PALM2AKAP2: variants seen among roughly 807,000 people sequenced by gnomAD.
PALM2AKAP2 encodes PALM2 and AKAP2 fusion.
Under a neutral mutation model 71.5 loss-of-function variants are expected in PALM2AKAP2, and 37 were observed. The observed-to-expected ratio is 0.52, with a 90% CI of 0.40 to 0.68. The LOEUF (loss-of-function observed/expected upper bound fraction) is 0.68. PALM2AKAP2 is among the 30% of genes least tolerant of loss of function. The probability of loss-of-function intolerance (pLI) is 0.00; values close to 1 mark genes in which losing one functional copy is unlikely to be tolerated. For synonymous variants in PALM2AKAP2, 468 were observed against 478.8 expected (o/e 0.98, Z 0.29); for missense variants, 1,224 against 1,191.8 (o/e 1.03, Z -0.40).
At chr9:109,705,621 G>A (rs1828132086) in intron 1 of PALM2AKAP2, among the ~76,000 whole-genome samples, 2 of 152,154 alleles carry the variant, frequency 1.3e-5, no homozygotes, top group African/African-American at 4.8e-5. Flanking sequence ...TTGGATCCAG[G>A]CACCTCCCTA....
intron 1 of PALM2AKAP2, among the ~76,000 whole-genome samples, chr9:109,782,886 T>C (rs1261118937): frequency 1.3e-5 from 2 of 152,004 alleles, no homozygotes; most frequent in African/African-American, 4.8e-5. Context: ...TAGTGCCTAC[T>C]CTTCTGAATT....
intron 6 of PALM2AKAP2, among the ~76,000 whole-genome samples, chr9:110,007,648 C>T (rs1832808726): frequency 1.3e-5 from 2 of 152,254 alleles, no homozygotes; most frequent in South Asian, 2.1e-4. Flanking sequence ...TCTTTAGAAC[C>T]TAATCCTTTT....
At chr9:109,716,183 G>T (rs998983213) in intron 1 of PALM2AKAP2, among the ~76,000 whole-genome samples, 1 of 152,192 alleles carries the variant, frequency 6.6e-6, no homozygotes, top group Admixed American at 6.5e-5. Flanking sequence ...GGGGTTTTAT[G>T]TGGTAACTCT....
chr9:109,828,496 A>G (rs986557116), intron 1 of PALM2AKAP2, among the ~76,000 whole-genome samples: 4 of 152,204 alleles, frequency 2.6e-5, no homozygotes, highest in African/African-American at 7.2e-5. Context: ...TTTATTGACA[A>G]TGCAAACAAG....
At chr9:109,689,248 G>A (rs1441186972) in intron 1 of PALM2AKAP2, among the ~76,000 whole-genome samples, 2 of 148,294 alleles carry the variant, frequency 1.3e-5, no homozygotes, top group Non-Finnish European at 3.0e-5. Flanking sequence ...TGTCACCCAG[G>A]CTGGAGTGCA....
intron 6 of PALM2AKAP2, among the ~76,000 whole-genome samples, chr9:109,968,115 G>A (rs1831991542): frequency 1.3e-5 from 2 of 152,232 alleles, no homozygotes; most frequent in African/African-American, 4.8e-5. Context: ...CTGAGGCTGT[G>A]TGGTCTGAAG....
intron 1 of PALM2AKAP2, among the ~76,000 whole-genome samples, chr9:109,782,550 A>G (rs1241350855): frequency 1.3e-5 from 2 of 152,206 alleles, no homozygotes; most frequent in Non-Finnish European, 2.9e-5. Flanking sequence ...ATTAGGTATT[A>G]TAAATAATCT....
At chr9:110,031,999 T>C (rs1833285814) in intron 7 of PALM2AKAP2, among the ~76,000 whole-genome samples, 1 of 151,268 alleles carries the variant, frequency 6.6e-6, no homozygotes, top group South Asian at 2.1e-4. Flanking sequence ...CCTGCAGTGA[T>C]TCATGAGTAT....
At chr9:110,160,453 G>C (rs141006848) in intron 3 of PALM2AKAP2, among the ~76,000 whole-genome samples, 7 of 152,296 alleles carry the variant, frequency 4.6e-5, no homozygotes, top group Admixed American at 4.6e-4. Flanking sequence ...CAAAGCGACT[G>C]CCTCCAAGGT....
chr9:109,657,608 T>G (rs1827325718), intron 1 of PALM2AKAP2, among the ~76,000 whole-genome samples: 1 of 151,946 alleles, frequency 6.6e-6, no homozygotes, highest in Admixed American at 6.6e-5. Context: ...GTAAACACAT[T>G]TCTAGGAAAC....
chr9:110,000,336 A>G (rs1453432315), intron 6 of PALM2AKAP2, among the ~76,000 whole-genome samples: 1 of 152,192 alleles, frequency 6.6e-6, no homozygotes. Context: ...TAAAAAGGAC[A>G]TCAACTCATC....
rs111708702 is a variant in PALM2AKAP2 at position 109,750,571 on chromosome 9, C to CGTGT, written c.6-29890_6-29887dup. On this transcript the variant is annotated intron_variant, in intron 1 of 6. Coordinates refer to the PALM2AKAP2 transcript ENST00000374531. ...TCATCCTCAGAGCTCTGCCCTAGGA[C>CGTGT]GTGTGTGTGTGTGTGTGTGTGTGTG... 9.2e-3 allele frequency among the ~76,000 whole-genome samples: 1,360 copies of CGTGT among 147,214 alleles called. 16 individuals are homozygous for CGTGT. Among genetic ancestry groups the CGTGT allele is most frequent in the African/African-American group, 0.023 (908 of 39,688 alleles).
At chr9:109,849,934 T>C (rs1587958263) in intron 1 of PALM2AKAP2, among the ~76,000 whole-genome samples, 1 of 151,014 alleles carries the variant, frequency 6.6e-6, no homozygotes, top group Admixed American at 6.6e-5. Flanking sequence ...GTTTTCCCCC[T>C]GATCAGGAAC....
At position 109,934,538 on chromosome 9, in the gene PALM2AKAP2, C is replaced by T. The variant is rs567006974; in HGVS notation, c.496+2510C>T. ...TAGACACCCTCCGCCATCCCTGTCC[C>T]TCCCCTCTGCACGCTCTTCACTTGG... On this transcript the variant is annotated intron_variant, in intron 6 of 9. Coordinates refer to the PALM2AKAP2 transcript ENST00000302798. 5.3e-5 allele frequency among the ~76,000 whole-genome samples: 8 copies of T among 152,174 alleles called. No homozygotes were observed. In the East Asian group the frequency reaches 1.4e-3, roughly 26 times the overall value.
intron 1 of PALM2AKAP2, among the ~76,000 whole-genome samples, chr9:110,088,222 G>T (rs1052559038): frequency 6.8e-6 from 1 of 147,330 alleles, no homozygotes; most frequent in Non-Finnish European, 1.5e-5. Context: ...ATTTCCCATT[G>T]GTTACTTGGT....
At chr9:109,736,150 G>C (rs1828631564) in intron 1 of PALM2AKAP2, among the ~76,000 whole-genome samples, 1 of 152,124 alleles carries the variant, frequency 6.6e-6, no homozygotes, top group Admixed American at 6.5e-5. Flanking sequence ...AAAATCCCCT[G>C]TGTTTTTGTC....
chr9:109,774,545 C>G (rs1004754911), intron 1 of PALM2AKAP2, among the ~76,000 whole-genome samples: 7 of 151,896 alleles, frequency 4.6e-5, no homozygotes, highest in South Asian at 2.1e-4. Context: ...AAAGCAGAGT[C>G]TAGTAAAGGT....
intron 6 of PALM2AKAP2, among the ~76,000 whole-genome samples, chr9:110,001,727 C>A (rs1832684526): frequency 6.6e-6 from 1 of 152,182 alleles, no homozygotes; most frequent in Non-Finnish European, 1.5e-5. Flanking sequence ...AGAGGTCCTT[C>A]ATGTCCCTTG....
rs552906093 is a variant in PALM2AKAP2, at chr9:110,025,393, G to A, written c.582+9354G>A. On this transcript the variant is annotated intron_variant, in intron 7 of 9. Coordinates refer to the PALM2AKAP2 transcript ENST00000302798. ...TTACTGGAAGATGGAGGTTCCGCCC[G>A]AAAGGCTTTTTTTTTTTTTGTTCCT... 7.2e-4 allele frequency: 570 copies of A among 790,338 alleles called. 4 individuals carry two copies. The highest frequency in any genetic ancestry group is 1.2e-4 in the South Asian group (8 of 67,668). 49.0% of individuals were successfully genotyped at this position (790,338 alleles called of 1,614,324 possible). A position where few individuals can be genotyped will look rare whatever the true frequency, so the allele number is the denominator to read the frequency against.
Sources: gnomAD v4.1 joint callset for allele counts (sites outside exome capture counted in the v4.1 genomes callset) on GRCh38, gnomAD v4.1.1 for gene constraint, MANE v1.5 for transcripts, NCBI Gene and HGNC (gene_info 2026-07-23, HGNC 2026-07-21) for gene names.